Variants in OPCML observed in about 807,000 individuals in gnomAD.
OPCML encodes the protein opioid-binding protein/cell adhesion molecule.
Under a neutral mutation model 37.8 loss-of-function variants are expected in OPCML, and 13 were observed. The observed-to-expected ratio is 0.34, with a 90% confidence interval of 0.22 to 0.55. The LOEUF is 0.55. Ranked by LOEUF, OPCML falls within the 20% of genes least tolerant of loss-of-function variation. The probability of loss-of-function intolerance (pLI) is 0.91; values close to 1 mark genes in which losing one functional copy is unlikely to be tolerated. For missense variants in OPCML, 341 were observed against 435.6 expected (o/e 0.78, Z 1.93); for synonymous variants, 176 against 168.8 (o/e 1.04, Z -0.33).
At chr11:132,449,982 G>A (rs1442902802) in intron 4 of OPCML, among the ~76,000 whole-genome samples, 1 of 152,174 alleles carries the variant, frequency 6.6e-6, no homozygotes, top group Non-Finnish European at 1.5e-5. Flanking sequence ...GTTTGGAGGT[G>A]TGAGTTCTGT....
At chr11:132,986,617 A>C (rs530140075) in intron 1 of OPCML, among the ~76,000 whole-genome samples, 2 of 152,300 alleles carry the variant, frequency 1.3e-5, no homozygotes, top group East Asian at 3.9e-4. Context: ...CGAACAAATA[A>C]ATAATTTGGA....
intron 2 of OPCML, among the ~76,000 whole-genome samples, chr11:132,781,655 C>T (rs913759180): frequency 1.3e-5 from 2 of 149,688 alleles, no homozygotes; most frequent in Admixed American, 1.3e-4. Context: ...AACTCTAATA[C>T]AATAACCATG....
chr11:132,679,047 T>C (rs970993494), intron 2 of OPCML, among the ~76,000 whole-genome samples: 3 of 152,118 alleles, frequency 2.0e-5, no homozygotes, highest in African/African-American at 7.2e-5. Flanking sequence ...AAATAAATTC[T>C]ATTAAGGCAG....
chr11:133,017,325 T>A (rs1322785801), intron 1 of OPCML, among the ~76,000 whole-genome samples: 1 of 152,136 alleles, frequency 6.6e-6, no homozygotes, highest in Non-Finnish European at 1.5e-5. Context: ...TCTGTCCAGG[T>A]ATTACTCCCT....
intron 2 of OPCML, among the ~76,000 whole-genome samples, chr11:132,768,237 C>T (rs1946522041): frequency 6.6e-6 from 1 of 152,156 alleles, no homozygotes; most frequent in African/African-American, 2.4e-5. Flanking sequence ...ATTCCCAGTT[C>T]CCTACAGCTC....
At chr11:133,042,445 G>A (rs1947920745) in intron 1 of OPCML, among the ~76,000 whole-genome samples, 1 of 152,202 alleles carries the variant, frequency 6.6e-6, no homozygotes, top group Admixed American at 6.5e-5. Flanking sequence ...CCACCTTACA[G>A]GTGGGCAGGC....
At chr11:132,627,965 A>G (rs1341380417) in intron 3 of OPCML, among the ~76,000 whole-genome samples, 2 of 152,180 alleles carry the variant, frequency 1.3e-5, no homozygotes, top group Admixed American at 6.5e-5. Context: ...AGTAGTGAAG[A>G]AAAAGGGAAT....
intron 4 of OPCML, among the ~76,000 whole-genome samples, chr11:132,517,773 T>G (rs181796769): frequency 6.6e-6 from 1 of 152,352 alleles, no homozygotes; most frequent in African/African-American, 2.4e-5. Flanking sequence ...TGATACATGT[T>G]AATATTCATT....
chr11:133,398,283 CT>C (rs1307162817), intron 1 of OPCML, among the ~76,000 whole-genome samples: 1 of 152,250 alleles, frequency 6.6e-6, no homozygotes. Flanking sequence ...TGTCCTGGGA[CT>C]GCCCAATGTG....
At chr11:133,492,306 C>T (rs767360151) in intron 1 of OPCML, among the ~76,000 whole-genome samples, 9 of 152,196 alleles carry the variant, frequency 5.9e-5, no homozygotes, top group Non-Finnish European at 1.2e-4. Flanking sequence ...GTGTTTCCTA[C>T]TGAATGCTGG....
chr11:133,408,761 T>A (rs1469174957), intron 1 of OPCML, among the ~76,000 whole-genome samples: 1 of 152,190 alleles, frequency 6.6e-6, no homozygotes, highest in Non-Finnish European at 1.5e-5. Flanking sequence ...ACCAGGAGAA[T>A]GTGCAAACAC....
Position 132,539,499 on chromosome 11 carries a change from T to C in OPCML, c.380-10313A>G, listed in dbSNP as rs558704526. On this transcript the variant is annotated intron_variant, in intron 3 of 7. Transcript: ENST00000524381. ...ACAGCAGTTGGGCTATACATTAAAA[T>C]GTTTAAAGACATGCTGCTGCTGCTG... Among the ~76,000 whole-genome samples, 324 of 152,270 alleles carry C rather than the reference T, an allele frequency of 2.1e-3. 2 individuals carry two copies. Among genetic ancestry groups the C allele is most frequent in the African/African-American group, 7.6e-3 (314 of 41,522 alleles).
At chr11:132,748,483 G>A (rs1221834733) in intron 2 of OPCML, among the ~76,000 whole-genome samples, 2 of 152,182 alleles carry the variant, frequency 1.3e-5, no homozygotes, top group Admixed American at 6.6e-5. Flanking sequence ...ATAGAACCAC[G>A]TTGATGTTGT....
At chr11:132,577,983 C>T (rs1232063118) in intron 3 of OPCML, among the ~76,000 whole-genome samples, 1 of 151,992 alleles carries the variant, frequency 6.6e-6, no homozygotes, top group Non-Finnish European at 1.5e-5. Flanking sequence ...TAGAGCCCAA[C>T]AGGTTACTAT....
At chr11:133,482,959 A>G (rs1048045193) in intron 1 of OPCML, among the ~76,000 whole-genome samples, 2 of 152,220 alleles carry the variant, frequency 1.3e-5, no homozygotes, top group Non-Finnish European at 2.9e-5. Context: ...AGAGAACATG[A>G]TAGAATTAAC....
chr11:133,077,718 T>G (rs1333922930), intron 1 of OPCML, among the ~76,000 whole-genome samples: 1 of 152,142 alleles, frequency 6.6e-6, no homozygotes, highest in African/African-American at 2.4e-5. Context: ...AATACTTTGT[T>G]TCTACAAAGA....
At chr11:132,901,035 C>A (rs1944043063) in intron 2 of OPCML, among the ~76,000 whole-genome samples, 1 of 152,130 alleles carries the variant, frequency 6.6e-6, no homozygotes, top group South Asian at 2.1e-4. Flanking sequence ...CAAAAATTAG[C>A]TGGGCAAGGT....
chr11:133,098,899 C>T (rs1312226756), intron 1 of OPCML, among the ~76,000 whole-genome samples: 1 of 152,118 alleles, frequency 6.6e-6, no homozygotes, highest in Non-Finnish European at 1.5e-5. Flanking sequence ...TTGCAGATGA[C>T]ATGATCATCT....
chr11:132,808,708 G>A (rs2136220367), intron 2 of OPCML, among the ~76,000 whole-genome samples: 1 of 152,268 alleles, frequency 6.6e-6, no homozygotes, highest in South Asian at 2.1e-4. Flanking sequence ...CAGGTTTGAA[G>A]CAATTTGGGA....
Sources: gnomAD v4.1 joint callset for allele counts (sites outside exome capture counted in the v4.1 genomes callset) on GRCh38, gnomAD v4.1.1 for gene constraint, MANE v1.5 for transcripts, NCBI Gene and HGNC (gene_info 2026-07-23, HGNC 2026-07-21) for gene names.